AFAP1: variants seen among roughly 807,000 people sequenced by gnomAD.
AFAP1 encodes the protein actin filament-associated protein 1.
In AFAP1, 75 loss-of-function variants were observed where a neutral mutation model predicts 93.9. The observed-to-expected ratio is 0.80, with a 90% CI of 0.66 to 0.97. The LOEUF (loss-of-function observed/expected upper bound fraction) is 0.97. AFAP1 is among the 50% of genes least tolerant of loss of function. The pLI is 0.00. For synonymous variants in AFAP1, 517 were observed against 430.7 expected, an observed-to-expected ratio of 1.20 and a Z score of -2.48; for missense variants, 1,201 against 1,050.8, an observed-to-expected ratio of 1.14 and a Z score of -1.98.
chr4:7,798,264 C>T (rs1335386126), intron 10 of AFAP1, among the ~76,000 whole-genome samples: 1 of 145,746 alleles, frequency 6.9e-6, no homozygotes, highest in Non-Finnish European at 1.5e-5. Flanking sequence ...GGCTGGCTCA[C>T]GGCACTGCAA....
At chr4:7,936,485 T>C (rs956022644) in intron 1 of AFAP1, among the ~76,000 whole-genome samples, 1 of 151,966 alleles carries the variant, frequency 6.6e-6, no homozygotes, top group East Asian at 1.9e-4. Flanking sequence ...CCACAGCACC[T>C]GGCCTTACTG....
intron 1 of AFAP1, among the ~76,000 whole-genome samples, chr4:7,886,639 T>C (rs73073935): frequency 0.02 from 3,043 of 152,340 alleles, 54 homozygotes; most frequent in South Asian, 0.07. Flanking sequence ...GATTAATTAA[T>C]GGATGGACAT....
At position 7,768,899 on chromosome 4, in the gene AFAP1, C is replaced by T; in HGVS notation, c.2363G>A (p.Ser788Asn). ...GGGGGAGCTGCCCGGGGCAGCCTGG[C>T]TCTTCTTCAAGACGGCCGCGCTGTT... ...PVNSAAVLKK[S>N]QAAPGSSPCR... Residue 788 changes from serine (S) to asparagine (N), a missense_variant, in exon 17 of 18, where the codon AGC becomes AAC. Physicochemically the swap from Ser to Asn is conservative, Grantham distance 46 (BLOSUM62 1). Coordinates refer to ENST00000420658, the MANE Select transcript of AFAP1 (RefSeq NM_001134647.2). 6.2e-7 allele frequency: 1 copy of T among 1,612,438 alleles called. No homozygotes were observed. The highest frequency in any genetic ancestry group is 8.5e-7 in the Non-Finnish European group (1 of 1,178,838).
At chr4:7,846,696 T>C (rs796155599) in intron 4 of AFAP1, among the ~76,000 whole-genome samples, 25 of 152,308 alleles carry the variant, frequency 1.6e-4, no homozygotes, top group African/African-American at 5.8e-4. Flanking sequence ...AAACTATCTA[T>C]ATTTACACAG....
intron 5 of AFAP1, among the ~76,000 whole-genome samples, chr4:7,840,267 T>TGTGTGTGCGTGC (rs1553844337): frequency 1.4e-5 from 2 of 144,822 alleles, no homozygotes; most frequent in Admixed American, 6.8e-5. Flanking sequence ...TTGGGATGTG[T>TGTGTGTGCGTGC]GTGTGTGTGT....
rs529102561 is a variant in AFAP1, at chr4:7,769,734, G to A, written c.2254-726C>T. 2.6e-5 allele frequency among the ~76,000 whole-genome samples: 4 copies of A among 152,272 alleles called. No homozygotes were observed. In the East Asian group the frequency reaches 7.7e-4, roughly 29 times the overall value. The stretch of plus-strand genomic sequence containing the variant: ...CTTCCTAGGATTCCTGCCAAAATGT[G>A]TTTGTTATGTAAAAAATATTGCTCA... On this transcript the variant is annotated intron_variant, in intron 16 of 17. Coordinates refer to ENST00000420658, the MANE Select transcript of AFAP1 (RefSeq NM_001134647.2).
At chr4:7,818,585 C>T (rs564135790) in intron 7 of AFAP1, among the ~76,000 whole-genome samples, 1 of 152,326 alleles carries the variant, frequency 6.6e-6, no homozygotes, top group East Asian at 1.9e-4. Flanking sequence ...CAGTGATGGG[C>T]TCCATACATT....
chr4:7,869,093 A>AAAAGAG (rs1279307058), intron 2 of AFAP1, among the ~76,000 whole-genome samples: 138 of 151,854 alleles, frequency 9.1e-4, no homozygotes, highest in African/African-American at 3.2e-3. Flanking sequence ...AAGAGAAAGA[A>AAAAGAG]AAAGAGAAAG....
At chr4:7,774,615 A>T in intron 15 of AFAP1, 124 bp downstream of exon 15, 1 of 1,355,838 alleles carries the variant, frequency 7.4e-7, no homozygotes, top group East Asian at 2.5e-5. Context: ...ACTGTGAGAT[A>T]ACCCACTCTT....
At chr4:7,769,149 G>A (rs1267641468) in intron 16 of AFAP1, 141 bp from the exon 17 acceptor site, 66 of 1,141,020 alleles carry the variant, frequency 5.8e-5, no homozygotes, top group Non-Finnish European at 7.3e-5. Flanking sequence ...GGACTGCCAC[G>A]TGGTCAGTGC....
chr4:7,858,018 G>T (rs1221353477), intron 3 of AFAP1, among the ~76,000 whole-genome samples: 1 of 152,148 alleles, frequency 6.6e-6, no homozygotes, highest in East Asian at 1.9e-4. Context: ...TTCAATAAAA[G>T]TTTGTTTAGT....
chr4:7,848,107 G>A (rs1250924864), intron 4 of AFAP1, among the ~76,000 whole-genome samples: 2 of 128,978 alleles, frequency 1.6e-5, no homozygotes, highest in African/African-American at 3.0e-5. Context: ...AAAGAAGGAA[G>A]GAAGGAAGGA....
In AFAP1 at chr4:7,764,755, G is replaced by T. The variant is rs541932009; in HGVS notation, c.2419-964C>A. On this transcript the variant is annotated intron_variant, in intron 17 of 17. Transcript: ENST00000420658. ...AGGCACTGTGCCATGCACTGGGTGCGGCTATGTCTGGTCTGACAACAGCCC... is the reference window on the plus strand; with the variant it reads ...AGGCACTGTGCCATGCACTGGGTGCTGCTATGTCTGGTCTGACAACAGCCC... 2.0e-3 allele frequency among the ~76,000 whole-genome samples: 310 copies of T among 152,246 alleles called. 3 individuals are homozygous for T. The highest frequency in any genetic ancestry group is 8.5e-4 in the Non-Finnish European group (58 of 68,030).
chr4:7,888,942 C>G (rs1052928276), intron 1 of AFAP1, among the ~76,000 whole-genome samples: 3 of 152,066 alleles, frequency 2.0e-5, no homozygotes, highest in Admixed American at 1.3e-4. Context: ...AGGTGCCCAC[C>G]ACCACCCCCA....
At chr4:7,815,011 T>A (rs1309446549) in intron 8 of AFAP1, among the ~76,000 whole-genome samples, 1 of 152,264 alleles carries the variant, frequency 6.6e-6, no homozygotes, top group Admixed American at 6.5e-5. Flanking sequence ...ACCCAAGTGT[T>A]CATCGACAGA....
chr4:7,781,968 G>A (rs1716817757), intron 12 of AFAP1, among the ~76,000 whole-genome samples: 1 of 152,184 alleles, frequency 6.6e-6, no homozygotes, highest in African/African-American at 2.4e-5. Flanking sequence ...AAGCAATGTT[G>A]ATTTGGCATT....
chr4:7,783,536 C>T (rs542913723), intron 12 of AFAP1, among the ~76,000 whole-genome samples: 1 of 152,146 alleles, frequency 6.6e-6, no homozygotes, highest in African/African-American at 2.4e-5. Context: ...TCAGGAAGGG[C>T]CTGGGCAGAG....
intron 3 of AFAP1, among the ~76,000 whole-genome samples, chr4:7,861,693 A>G (rs1356920035): frequency 6.6e-6 from 1 of 152,274 alleles, no homozygotes; most frequent in Admixed American, 6.5e-5. Context: ...CGGAAACAGG[A>G]TAGAGTGGAA....
At chr4:7,834,671 C>T (rs1291865646) in intron 6 of AFAP1, among the ~76,000 whole-genome samples, 1 of 152,228 alleles carries the variant, frequency 6.6e-6, no homozygotes, top group East Asian at 1.9e-4. Flanking sequence ...TGCCTTGCTA[C>T]CCCAAGGGGG....
Sources: allele counts gnomAD v4.1 joint callset (sites outside exome capture counted in the v4.1 genomes callset), GRCh38; gene constraint gnomAD v4.1.1; transcripts MANE v1.5; gene names NCBI Gene and HGNC (gene_info 2026-07-23, HGNC 2026-07-21).